GPC5: variants seen among roughly 807,000 people sequenced by gnomAD.
The protein encoded by GPC5 is glypican-5.
In GPC5, 47 loss-of-function variants were observed where a neutral mutation model predicts 53.9. That is an observed-to-expected ratio of 0.87 (90% CI 0.69 to 1.11). The LOEUF is 1.11. Among genes scored for constraint, GPC5 ranks in the 50% most tolerant of loss-of-function variants. The pLI is 0.00. For synonymous variants in GPC5, 286 were observed against 263.3 expected (o/e 1.09, Z -0.84); for missense variants, 748 against 713.1 (o/e 1.05, Z -0.56).
chr13:92,047,391 A>G (rs555144080), intron 6 of GPC5, among the ~76,000 whole-genome samples: 1 of 151,664 alleles, frequency 6.6e-6, no homozygotes, highest in African/African-American at 2.4e-5. Flanking sequence ...GTCTTCCTCC[A>G]TCAAATTTTT....
intron 7 of GPC5, chr13:92,240,303 G>GA (rs1488211370): frequency 1.3e-5 from 2 of 151,030 alleles, no homozygotes; most frequent in African/African-American, 2.4e-5. Flanking sequence ...TTTTTTTGTG[G>GA]AAAAAATATT....
chr13:91,696,351 T>C (rs531920224), intron 3 of GPC5, among the ~76,000 whole-genome samples: 1 of 152,306 alleles, frequency 6.6e-6, no homozygotes, highest in South Asian at 2.1e-4. Flanking sequence ...TTATTACTGA[T>C]AAATTATGGA....
intron 7 of GPC5, among the ~76,000 whole-genome samples, chr13:92,427,919 A>T (rs1293657348): frequency 1.3e-5 from 2 of 152,154 alleles, no homozygotes; most frequent in Non-Finnish European, 2.9e-5. Flanking sequence ...TTTTAGCAAA[A>T]CATAGATGGA....
At chr13:91,802,217 G>C (rs2038147297) in intron 5 of GPC5, among the ~76,000 whole-genome samples, 1 of 151,970 alleles carries the variant, frequency 6.6e-6, no homozygotes, top group African/African-American at 2.4e-5. Context: ...TCTTCCTTCA[G>C]ATATTCAAAT....
intron 7 of GPC5, among the ~76,000 whole-genome samples, chr13:92,161,989 A>ATATATATATATATG (rs1566463109): frequency 8.2e-6 from 1 of 121,590 alleles, no homozygotes; most frequent in Non-Finnish European, 1.7e-5. Flanking sequence ...ATATATATAT[A>ATATATATATATATG]TATATATGAA....
intron 7 of GPC5, among the ~76,000 whole-genome samples, chr13:92,461,875 C>T (rs571648010): frequency 3.9e-5 from 6 of 152,310 alleles, no homozygotes; most frequent in South Asian, 2.1e-4. Context: ...TTTGTTACAA[C>T]AGCCTGAGCT....
At chr13:91,997,378 T>C (rs944511975) in intron 6 of GPC5, among the ~76,000 whole-genome samples, 10 of 152,238 alleles carry the variant, frequency 6.6e-5, no homozygotes. Context: ...ACCCTAAAGC[T>C]TATTTTCCAT....
intron 6 of GPC5, among the ~76,000 whole-genome samples, chr13:91,931,417 G>T (rs139899742): frequency 6.8e-4 from 103 of 152,134 alleles, no homozygotes; most frequent in African/African-American, 2.4e-3. Flanking sequence ...ACAGTGTGGA[G>T]CAATGAATTT....
intron 2 of GPC5, among the ~76,000 whole-genome samples, chr13:91,616,661 C>A (rs1267441684): frequency 6.6e-6 from 1 of 151,896 alleles, no homozygotes; most frequent in Non-Finnish European, 1.5e-5. Context: ...TTTTGTCAAT[C>A]CCTAGATATA....
chr13:92,790,334 G>T (rs1032766288), intron 7 of GPC5, among the ~76,000 whole-genome samples: 6 of 152,116 alleles, frequency 3.9e-5, no homozygotes, highest in Non-Finnish European at 7.3e-5. Context: ...CAAAAGAAGA[G>T]ATAATTTTGA....
At chr13:92,117,672 G>A (rs2041611728) in intron 6 of GPC5, among the ~76,000 whole-genome samples, 1 of 151,988 alleles carries the variant, frequency 6.6e-6, no homozygotes, top group Non-Finnish European at 1.5e-5. Context: ...TTTTGTAGCT[G>A]TTAAAATACC....
chr13:92,017,094 C>A (rs966521477), intron 6 of GPC5, among the ~76,000 whole-genome samples: 1 of 152,008 alleles, frequency 6.6e-6, no homozygotes, highest in Admixed American at 6.6e-5. Context: ...ACTGTGGTGG[C>A]GTGGTGGAGT....
At chr13:91,621,760 AT>A (rs68041111) in intron 2 of GPC5, among the ~76,000 whole-genome samples, 204 of 956 alleles carry the variant, frequency 0.21, 36 homozygotes, top group South Asian at 0.56. Flanking sequence ...GGGACAGAAC[AT>A]TATATATATA....
chr13:92,226,702 G>T (rs564702577), intron 7 of GPC5, among the ~76,000 whole-genome samples: 34 of 151,146 alleles, frequency 2.2e-4, no homozygotes, highest in African/African-American at 8.3e-4. Context: ...GGGTTCAAGC[G>T]ATTCTCCTTC....
intron 7 of GPC5, among the ~76,000 whole-genome samples, chr13:92,205,515 T>C (rs2042327395): frequency 1.3e-5 from 2 of 152,150 alleles, no homozygotes; most frequent in Non-Finnish European, 2.9e-5. Context: ...AGGGTTTCAT[T>C]AGAGGTTACT....
rs1189050026 is a variant in GPC5 at position 91,839,242 on chromosome 13, C to T, written c.1281-68695C>T. ...AAATAACAGCATCTATCTTTATAAA[C>T]ATATTGGGATTTCATTAAGGATTGC... On this transcript the variant is annotated intron_variant, in intron 5 of 7. Coordinates refer to ENST00000377067, the MANE Select transcript of GPC5 (RefSeq NM_004466.6). Among the ~76,000 whole-genome samples, 3 of 152,126 alleles carry T rather than the reference C, an allele frequency of 2.0e-5. No homozygotes were observed. In the East Asian group the frequency reaches 5.8e-4, roughly 29 times the overall value.
At chr13:92,443,965 A>G (rs1331715350) in intron 7 of GPC5, among the ~76,000 whole-genome samples, 1 of 152,196 alleles carries the variant, frequency 6.6e-6, no homozygotes, top group South Asian at 2.1e-4. Flanking sequence ...ATTATTTCCC[A>G]GTCATGCTCA....
At chr13:91,603,901 T>C (rs1268361982) in intron 2 of GPC5, among the ~76,000 whole-genome samples, 1 of 152,036 alleles carries the variant, frequency 6.6e-6, no homozygotes, top group Non-Finnish European at 1.5e-5. Context: ...ATTCATCAAT[T>C]ACCCTCTCCC....
At chr13:92,279,704 A>G (rs147510496) in intron 7 of GPC5, among the ~76,000 whole-genome samples, 2 of 152,166 alleles carry the variant, frequency 1.3e-5, no homozygotes, top group Admixed American at 6.5e-5. Flanking sequence ...GGTTCTAAAA[A>G]TACATTGTGT....
Sources: gnomAD v4.1 joint callset for allele counts (sites outside exome capture counted in the v4.1 genomes callset) on GRCh38, gnomAD v4.1.1 for gene constraint, MANE v1.5 for transcripts, NCBI Gene and HGNC (gene_info 2026-07-23, HGNC 2026-07-21) for gene names.